Variants in PUM2 observed in about 807,000 individuals in gnomAD.
PUM2 encodes the protein pumilio homolog 2.
Under a neutral mutation model 124.5 loss-of-function variants are expected in PUM2, and 57 were observed. That is an observed-to-expected ratio of 0.46 (90% CI 0.37 to 0.57). The LOEUF (loss-of-function observed/expected upper bound fraction) is 0.57, where lower values mean the gene tolerates loss of function less well. Among genes scored for constraint, PUM2 ranks in the 20% least tolerant of loss-of-function variants. PUM2 has a pLI of 0.00. For missense variants in PUM2, 1,065 were observed against 1,290.6 expected (o/e 0.83, Z 2.68); for synonymous variants, 460 against 446.1 (o/e 1.03, Z -0.39).
intron 7 of PUM2, among the ~76,000 whole-genome samples, chr2:20,304,688 T>C (rs1677800640): frequency 6.6e-6 from 1 of 152,230 alleles, no homozygotes. Flanking sequence ...ATATAGTCAC[T>C]GTGCATTTAA....
chr2:20,336,795 T>G (rs1558676401), intron 1 of PUM2, among the ~76,000 whole-genome samples: 9 of 107,030 alleles, frequency 8.4e-5, no homozygotes, highest in African/African-American at 3.1e-4. Context: ...TGTGTGTGTG[T>G]GTGTGTGGTA....
intron 13 of PUM2, among the ~76,000 whole-genome samples, chr2:20,263,721 ATG>A (rs1666860763): frequency 6.6e-6 from 1 of 151,932 alleles, no homozygotes; most frequent in Non-Finnish European, 1.5e-5. Context: ...ACTTAATTAT[ATG>A]ATCTAGTGTC....
At chr2:20,334,582 CA>C (rs1274647216) in intron 1 of PUM2, among the ~76,000 whole-genome samples, 1 of 152,038 alleles carries the variant, frequency 6.6e-6, no homozygotes, top group African/African-American at 2.4e-5. Context: ...TGAAAAAAAC[CA>C]TATTTTATGA....
intron 10 of PUM2, among the ~76,000 whole-genome samples, chr2:20,289,308 T>C (rs1476612707): frequency 6.6e-6 from 1 of 151,968 alleles, no homozygotes; most frequent in Non-Finnish European, 1.5e-5. Context: ...CAGGAAAAAT[T>C]GTTGTACTCC....
chr2:20,319,549 G>A (rs1681804400), intron 2 of PUM2, among the ~76,000 whole-genome samples: 2 of 152,206 alleles, frequency 1.3e-5, no homozygotes, highest in South Asian at 4.1e-4. Context: ...TAAGGGCATG[G>A]TCTGCTCACC....
At chr2:20,306,047 T>C (rs568504674) in intron 7 of PUM2, among the ~76,000 whole-genome samples, 30 of 152,146 alleles carry the variant, frequency 2.0e-4, no homozygotes, top group African/African-American at 7.0e-4. Flanking sequence ...ACCCTGTCTC[T>C]ACAAAAAATT....
At chr2:20,289,260 T>C (rs544845778) in intron 10 of PUM2, among the ~76,000 whole-genome samples, 5 of 152,312 alleles carry the variant, frequency 3.3e-5, no homozygotes, top group African/African-American at 9.6e-5. Context: ...CCAGAGGCAC[T>C]CTTCTTAATT....
chr2:20,312,200 G>A, intron 4 of PUM2, 36 bp downstream of exon 4: 1 of 1,508,228 alleles, frequency 6.6e-7, no homozygotes, highest in Non-Finnish European at 9.0e-7. Flanking sequence ...TAACTCTCAA[G>A]CAAATATTAA....
At chr2:20,293,138 G>A (rs1674632402) in intron 9 of PUM2, among the ~76,000 whole-genome samples, 1 of 152,184 alleles carries the variant, frequency 6.6e-6, no homozygotes. Flanking sequence ...TGAAAACTTA[G>A]TCTGGTCAAG....
chr2:20,331,346 G>GT (rs1684867005), intron 1 of PUM2, among the ~76,000 whole-genome samples: 1 of 152,136 alleles, frequency 6.6e-6, no homozygotes, highest in East Asian at 1.9e-4. Context: ...CTAAGAAAAT[G>GT]CAAACTAATT....
At chr2:20,305,352 C>CTA (rs1677966437) in intron 7 of PUM2, among the ~76,000 whole-genome samples, 1 of 149,500 alleles carries the variant, frequency 6.7e-6, no homozygotes, top group South Asian at 2.1e-4. Context: ...TGGCTCGAGC[C>CTA]TATAGTCCCA....
intron 7 of PUM2, among the ~76,000 whole-genome samples, chr2:20,306,887 T>C (rs1196536150): frequency 2.7e-5 from 4 of 149,998 alleles, no homozygotes; most frequent in African/African-American, 7.3e-5. Flanking sequence ...GATTTCAGGA[T>C]GGCGCCACTG....
Position 20,297,575 on chromosome 2 carries a change from C to A in PUM2, c.987G>T (p.Leu329Phe). The A allele has an allele frequency of 6.2e-7, 1 of 1,609,534 alleles. No homozygotes were observed. The highest frequency in any genetic ancestry group is 8.5e-7 in the Non-Finnish European group (1 of 1,177,366). ...TACCTGCTAATGTAGCTGCTGCAGC[C>A]AATCCTGCTGCAGTATACGGATCGG... ...PGTDPYTAAG[L>F]AAAATLAGPA... Residue 329 changes from leucine (L) to phenylalanine (F), a missense_variant, in exon 8 of 21, where the codon TTG (leucine) becomes TTT (phenylalanine). Transcript: ENST00000361078.
At chr2:20,275,421 A>G (rs1336918633) in intron 13 of PUM2, among the ~76,000 whole-genome samples, 2 of 152,098 alleles carry the variant, frequency 1.3e-5, no homozygotes, top group African/African-American at 4.8e-5. Context: ...ATGAACTGTC[A>G]TCAGTTGTAA....
At chr2:20,286,349 T>G (rs544480071) in intron 10 of PUM2, among the ~76,000 whole-genome samples, 3 of 152,150 alleles carry the variant, frequency 2.0e-5, no homozygotes, top group Non-Finnish European at 4.4e-5. Flanking sequence ...AGACGTGGGA[T>G]GTGAGGTAAA....
chr2:20,318,049 C>T (rs113256200), intron 3 of PUM2, among the ~76,000 whole-genome samples: 44,636 of 151,960 alleles, frequency 0.29, 6,786 homozygotes, highest in Middle Eastern at 0.36. Flanking sequence ...GGGGTATATA[C>T]CCAATAATGG....
chr2:20,271,901 G>A (rs1319727165), intron 13 of PUM2, among the ~76,000 whole-genome samples: 2 of 152,176 alleles, frequency 1.3e-5, no homozygotes, highest in Non-Finnish European at 2.9e-5. Context: ...GCTCACACCT[G>A]TAATCCCAGC....
intron 1 of PUM2, among the ~76,000 whole-genome samples, chr2:20,349,865 T>C (rs897630617): frequency 3.3e-5 from 5 of 152,320 alleles, no homozygotes; most frequent in African/African-American, 1.2e-4. Context: ...TATGTTAGAA[T>C]AAAAAGCTAA....
chr2:20,290,688 A>T lies in PUM2; in HGVS notation c.1255T>A (p.Leu419Met), dbSNP rs1270680462. The part of the protein sequence containing the change: ...LAAAAAANPT[L>M]AFGQGLATGM... ...GTAGCAAGACCCTGACCAAAAGCCA[A>T]TGTTGGATTTGCTGCTGCAGCTGCC... Residue 419 changes from leucine to methionine, a missense_variant, in exon 10 of 21, where the codon TTG (leucine) becomes ATG (methionine). By Grantham distance (15) the Leu-to-Met change is conservative. Around this residue, in one of 3 missense-constraint regions of PUM2, gnomAD observed 968 missense variants for 1,159.8 expected, o/e 0.83. Coordinates refer to ENST00000361078, the MANE Select transcript of PUM2 (RefSeq NM_015317.5). The T allele has an allele frequency of 6.2e-7, 1 of 1,613,022 alleles. No individual in the cohort carries two copies. The highest frequency in any genetic ancestry group is 1.3e-5 in the African/African-American group (1 of 74,902).
Sources: allele counts gnomAD v4.1 joint callset (sites outside exome capture counted in the v4.1 genomes callset), GRCh38; gene constraint gnomAD v4.1.1; regional missense constraint gnomAD v4.1.1; transcripts MANE v1.5; gene names NCBI Gene and HGNC (gene_info 2026-07-23, HGNC 2026-07-21).